The following RNASEH2B variants were observed in gnomAD, a reference collection of about 807,000 sequenced individuals.
RNASEH2B encodes Aicardi-Goutieres syndrome 2 protein.
A neutral mutation model predicts 45.0 loss-of-function variants in RNASEH2B; 36 were observed. That is an observed-to-expected ratio of 0.80 (90% CI 0.61 to 1.06). The LOEUF is 1.06. Among genes scored for constraint, RNASEH2B ranks in the 50% least tolerant of loss-of-function variants. The pLI is 0.00. For missense variants in RNASEH2B, 361 were observed against 360.3 expected (o/e 1.00, Z -0.02); for synonymous variants, 119 against 125.7 (o/e 0.95, Z 0.35).
chr13:50,945,653 C>G, intron 7 of RNASEH2B, 121 bp downstream of exon 7: 1 of 711,776 alleles, frequency 1.4e-6, no homozygotes, highest in Non-Finnish European at 2.6e-6. Context: ...ACCAATGCCT[C>G]ATACACATTG....
intron 9 of RNASEH2B, among the ~76,000 whole-genome samples, chr13:50,967,148 C>T (rs1242503291): frequency 6.6e-6 from 1 of 152,160 alleles, no homozygotes; most frequent in African/African-American, 2.4e-5. Flanking sequence ...GTCTCCTTTA[C>T]ACCTGGGAGG....
intron 1 of RNASEH2B, chr13:50,911,694 TG>T (rs1257517527): frequency 6.6e-6 from 1 of 152,218 alleles, no homozygotes; most frequent in Admixed American, 6.5e-5. Context: ...TTCAGGGTTT[TG>T]ACAGAATCTC....
chr13:50,965,216 A>G (rs566646323), intron 9 of RNASEH2B, among the ~76,000 whole-genome samples: 1 of 152,196 alleles, frequency 6.6e-6, no homozygotes, highest in Admixed American at 6.5e-5. Flanking sequence ...AGTACTTACT[A>G]TTGTTTTACA....
chr13:50,969,269 C>G, intron 9 of RNASEH2B, among the ~76,000 whole-genome samples: 1 of 152,102 alleles, frequency 6.6e-6, no homozygotes, highest in Non-Finnish European at 1.5e-5. Flanking sequence ...GCTTCCTTCT[C>G]ATCCACATTC....
intron 1 of RNASEH2B, among the ~76,000 whole-genome samples, chr13:50,917,772 A>C (rs1879824192): frequency 6.6e-6 from 1 of 152,148 alleles, no homozygotes; most frequent in Non-Finnish European, 1.5e-5. Context: ...CCACTGTGGG[A>C]GAGGCCAGAG....
intron 9 of RNASEH2B, among the ~76,000 whole-genome samples, chr13:50,963,195 G>A (rs186272760): frequency 0.012 from 1,885 of 151,258 alleles, 33 homozygotes; most frequent in African/African-American, 0.043. Flanking sequence ...ATGGAGTTTC[G>A]CTCTTGTTGC....
At chr13:50,970,129 A>G (rs1023536319) in exon 10 of RNASEH2B, 2 of 709,886 alleles carry the variant, frequency 2.8e-6, no homozygotes, top group Non-Finnish European at 5.0e-6. Context: ...TAGTACCACT[A>G]GTCTATGTGG....
At chr13:50,963,516 C>T (rs1952134266) in intron 9 of RNASEH2B, among the ~76,000 whole-genome samples, 1 of 152,102 alleles carries the variant, frequency 6.6e-6, no homozygotes, top group East Asian at 1.9e-4. Flanking sequence ...TTCTTTATGT[C>T]TTCCCGTATC....
At chr13:50,940,621 G>C (rs1951822664) in intron 5 of RNASEH2B, among the ~76,000 whole-genome samples, 1 of 152,246 alleles carries the variant, frequency 6.6e-6, no homozygotes, top group African/African-American at 2.4e-5. Context: ...CGATATTCAG[G>C]AGAGTGGTGT....
chr13:50,945,907 T>C (rs530681571), intron 7 of RNASEH2B, among the ~76,000 whole-genome samples: 1 of 152,294 alleles, frequency 6.6e-6, no homozygotes, highest in East Asian at 1.9e-4. Context: ...TGAGGCCCTG[T>C]GCAAAGTCTC....
At chr13:50,926,932 A>G (rs1322086926) in intron 1 of RNASEH2B, among the ~76,000 whole-genome samples, 1 of 152,208 alleles carries the variant, frequency 6.6e-6, no homozygotes, top group Non-Finnish European at 1.5e-5. Flanking sequence ...GCTGTACTTC[A>G]TAATAGTAAC....
chr13:50,956,733 A>G lies in RNASEH2B; in HGVS notation c.*259A>G. 1 of 1,201,148 alleles carries G rather than the reference A, an allele frequency of 8.3e-7. No homozygotes were observed. The highest frequency in any genetic ancestry group is 1.0e-6 in the Non-Finnish European group (1 of 954,280). The allele number at this position is 1,201,148 out of a possible 1,614,324, so 74.4% of individuals were successfully genotyped here. A position where few individuals can be genotyped will look rare whatever the true frequency, so the allele number is the denominator to read the frequency against. ...AAGAGAATTAACATATAGCATCATG[A>G]TTTTCTCAATAAACTGATGTGTGAC... is the stretch of plus-strand genomic sequence containing the variant. On this transcript the variant is annotated 3_prime_UTR_variant, in exon 11 of 11. Coordinates refer to ENST00000336617, the MANE Select transcript of RNASEH2B (RefSeq NM_024570.4).
At chr13:50,968,287 C>G (rs962819647) in intron 9 of RNASEH2B, among the ~76,000 whole-genome samples, 1 of 152,018 alleles carries the variant, frequency 6.6e-6, no homozygotes, top group East Asian at 1.9e-4. Context: ...GTAATTCTAG[C>G]TACTTGGGAG....
At chr13:50,946,831 T>A (rs1398592340) in intron 7 of RNASEH2B, among the ~76,000 whole-genome samples, 2 of 152,180 alleles carry the variant, frequency 1.3e-5, no homozygotes, top group African/African-American at 4.8e-5. Context: ...TTAGGTTGGT[T>A]TGGTACCAGA....
chr13:50,926,209 G>A lies in RNASEH2B; in HGVS notation c.65-1198G>A, dbSNP rs142875084. On this transcript the variant is annotated intron_variant, in intron 1 of 10. Coordinates refer to ENST00000336617, the MANE Select transcript of RNASEH2B (RefSeq NM_024570.4). ...ACTATTAGTTTAAGAAAAAATGGTC[G>A]TATTTTAACCATTCATGGGTAAGCC... Among the ~76,000 whole-genome samples the A allele has an allele frequency of 4.5e-3, 689 of 151,880 alleles. 7 individuals are homozygous for A. The highest frequency in any genetic ancestry group is 0.015 in the African/African-American group (617 of 41,416).
chr13:50,960,054 G>C (rs564509337), downstream of RNASEH2B: 39 of 446,984 alleles, frequency 8.7e-5, 1 homozygote, highest in East Asian at 1.4e-3. Flanking sequence ...ACTAATGTTC[G>C]GTTCTTCATC....
At chr13:50,917,689 G>A (rs1311854204) in intron 1 of RNASEH2B, among the ~76,000 whole-genome samples, 1 of 152,164 alleles carries the variant, frequency 6.6e-6, no homozygotes, top group South Asian at 2.1e-4. Context: ...GAGACTGTCA[G>A]CTCTCTCAAG....
At chr13:50,927,317 A>G (rs1951611129) in intron 1 of RNASEH2B, 90 bp from the exon 2 acceptor site, 3 of 802,178 alleles carry the variant, frequency 3.7e-6, no homozygotes, top group East Asian at 2.5e-5. Context: ...CAAAAGTCAT[A>G]TAAGTAGAAG....
intron 1 of RNASEH2B, among the ~76,000 whole-genome samples, chr13:50,920,568 T>C (rs769384523): frequency 6.6e-6 from 1 of 152,376 alleles, no homozygotes; most frequent in East Asian, 1.9e-4. Context: ...CTCAGTTGTC[T>C]GAGTTTTTTC....
Sources: allele counts gnomAD v4.1 joint callset (sites outside exome capture counted in the v4.1 genomes callset), GRCh38; gene constraint gnomAD v4.1.1; transcripts MANE v1.5; gene names NCBI Gene and HGNC (gene_info 2026-07-23, HGNC 2026-07-21).